Variants in SKAP2 observed in about 807,000 individuals in gnomAD.
The protein encoded by SKAP2 is src kinase associated phosphoprotein 2.
SKAP2 carries 28 observed loss-of-function variants against 54.9 expected under a neutral mutation model. That is an observed-to-expected ratio of 0.51 (90% confidence interval 0.38 to 0.70). The LOEUF is 0.70. Among genes scored for constraint, SKAP2 ranks in the 30% least tolerant of loss-of-function variants. The pLI, the probability that SKAP2 is intolerant of heterozygous loss-of-function variation, is 0.00. For missense variants in SKAP2, 356 were observed against 424.1 expected (o/e 0.84, Z 1.41); for synonymous variants, 137 against 134.3 (o/e 1.02, Z -0.14).
chr7:26,760,450 G>T (rs1480326314), intron 4 of SKAP2, among the ~76,000 whole-genome samples: 1 of 152,006 alleles, frequency 6.6e-6, no homozygotes, highest in African/African-American at 2.4e-5. Context: ...GCCCCCAGTG[G>T]ATGCCTGAAA....
Position 26,667,925 on chromosome 7 carries a change from T to C in SKAP2, c.*1741A>G, listed in dbSNP as rs972710501. On this transcript the variant is annotated 3_prime_UTR_variant, in exon 13 of 13. Transcript: ENST00000345317. ...GGTTGTCTAACTTTTGCCAAGATAA[T>C]TTCAGTCTATTTCAATGGCACTATA... 5.3e-5 allele frequency: 8 copies of C among 152,180 alleles called. No individual in the cohort carries two copies. The highest frequency in any genetic ancestry group is 1.9e-4 in the African/African-American group (8 of 41,434). The allele number at this position is 152,180 out of a possible 1,614,324, so 9.4% of individuals were successfully genotyped here. A position where few individuals can be genotyped will look rare whatever the true frequency, so the allele number is the denominator to read the frequency against.
intron 4 of SKAP2, among the ~76,000 whole-genome samples, chr7:26,824,105 T>TCAATGAATCAAC (rs1784441158): frequency 6.6e-6 from 1 of 151,996 alleles, no homozygotes; most frequent in African/African-American, 2.4e-5. Context: ...GAAGAATCAA[T>TCAATGAATCAAC]CAATGAATCA....
intron 1 of SKAP2, among the ~76,000 whole-genome samples, chr7:26,855,614 A>G (rs2127998882): frequency 6.6e-6 from 1 of 152,264 alleles, no homozygotes; most frequent in East Asian, 1.9e-4. Flanking sequence ...TCACCAAGAA[A>G]CAAGATTTCT....
At chr7:26,725,588 T>C (rs1221118489) in intron 8 of SKAP2, 23 bp from the exon 9 acceptor site, 5 of 1,548,020 alleles carry the variant, frequency 3.2e-6, no homozygotes, top group South Asian at 1.2e-5. Context: ...TTTCATGAAG[T>C]AAATTTTAAA....
At chr7:26,837,468 A>G (rs1584419214) in intron 4 of SKAP2, among the ~76,000 whole-genome samples, 2 of 152,276 alleles carry the variant, frequency 1.3e-5, no homozygotes, top group East Asian at 3.9e-4. Context: ...AAGCGGGAGC[A>G]GGCACAACAC....
chr7:26,772,554 CATG>C (rs1783210366), intron 4 of SKAP2, among the ~76,000 whole-genome samples: 1 of 152,188 alleles, frequency 6.6e-6, no homozygotes, highest in Admixed American at 6.5e-5. Flanking sequence ...CTGCAAAGGA[CATG>C]ATATCATTTT....
chr7:26,853,435 T>C (rs982165736), intron 3 of SKAP2, among the ~76,000 whole-genome samples: 2 of 152,146 alleles, frequency 1.3e-5, no homozygotes, highest in African/African-American at 4.8e-5. Flanking sequence ...GAATTGAATA[T>C]ATAAAGTAGT....
At chr7:26,665,142 G>C (rs1384428119), downstream of SKAP2, among the ~76,000 whole-genome samples, 1 of 152,204 alleles carries the variant, frequency 6.6e-6, no homozygotes. Context: ...TTCAAGATCA[G>C]ATGCAGGAAA....
chr7:26,658,661 T>C, the SKAP2 span, among the ~76,000 whole-genome samples: 2 of 152,156 alleles, frequency 1.3e-5, no homozygotes, highest in Non-Finnish European at 2.9e-5. Context: ...AGAGGTGCAC[T>C]GTCACCAACA....
chr7:26,743,421 A>G (rs1782497443), intron 4 of SKAP2, among the ~76,000 whole-genome samples: 2 of 152,192 alleles, frequency 1.3e-5, no homozygotes, highest in Admixed American at 1.3e-4. Flanking sequence ...CAGCAACTAT[A>G]CAAGTTAAGC....
In SKAP2 at chr7:26,701,550, T is replaced by C. The variant is rs148234057; in HGVS notation, c.797-11188A>G. Among the ~76,000 whole-genome samples, 578 of 152,048 alleles carry C rather than the reference T, an allele frequency of 3.8e-3. 2 individuals are homozygous for C. The highest frequency in any genetic ancestry group is 6.9e-3 in the Non-Finnish European group (467 of 67,984). On this transcript the variant is annotated intron_variant, in intron 9 of 12. Coordinates refer to ENST00000345317, the MANE Select transcript of SKAP2 (RefSeq NM_003930.5). ...GAGTTTGAAACCAGCCTGACCAATATGGTGAAACCCCATCTCTACTAAAAA... is the reference window on the plus strand; with the variant it reads ...GAGTTTGAAACCAGCCTGACCAATACGGTGAAACCCCATCTCTACTAAAAA...
At chr7:26,851,750 T>C (rs907849643) in intron 3 of SKAP2, among the ~76,000 whole-genome samples, 136 of 150,080 alleles carry the variant, frequency 9.1e-4, no homozygotes, top group Non-Finnish European at 1.5e-3. Context: ...TACCTCAAAC[T>C]GTAAAATCTG....
intron 10 of SKAP2, among the ~76,000 whole-genome samples, chr7:26,688,937 T>C (rs1418956930): frequency 2.0e-5 from 3 of 152,184 alleles, no homozygotes; most frequent in Non-Finnish European, 2.9e-5. Flanking sequence ...TAAACTACTA[T>C]TGAACATAGT....
chr7:26,844,631 T>C (rs1784888243), intron 3 of SKAP2, among the ~76,000 whole-genome samples: 2 of 152,136 alleles, frequency 1.3e-5, no homozygotes, highest in South Asian at 4.1e-4. Flanking sequence ...TATAAAATCA[T>C]TTTATACATT....
intron 4 of SKAP2, among the ~76,000 whole-genome samples, chr7:26,789,343 A>T (rs1246299165): frequency 1.3e-5 from 2 of 152,206 alleles, no homozygotes; most frequent in Non-Finnish European, 2.9e-5. Flanking sequence ...GTGCCACTTA[A>T]AGGAAGTTGA....
chr7:26,859,359 C>CT (rs1001187637), intron 1 of SKAP2, among the ~76,000 whole-genome samples: 1 of 151,422 alleles, frequency 6.6e-6, no homozygotes, highest in African/African-American at 2.4e-5. Flanking sequence ...ATCAATTAAA[C>CT]TGGGCACATG....
intron 9 of SKAP2, among the ~76,000 whole-genome samples, chr7:26,697,283 A>G (rs1459993713): frequency 1.3e-5 from 2 of 152,202 alleles, no homozygotes; most frequent in Non-Finnish European, 2.9e-5. Context: ...AGTCTTGTAT[A>G]CACTCGATCA....
chr7:26,830,870 T>G (rs1000609261), intron 4 of SKAP2, among the ~76,000 whole-genome samples: 2 of 152,164 alleles, frequency 1.3e-5, no homozygotes, highest in African/African-American at 4.8e-5. Flanking sequence ...TAATCCTCTC[T>G]GGGCTTATTT....
rs548776054 is a variant in SKAP2, at chr7:26,729,674, A to G, written c.470-2668T>C. 7.9e-5 allele frequency among the ~76,000 whole-genome samples: 12 copies of G among 152,280 alleles called. No homozygotes were observed. The South Asian group carries it at 2.5e-3, about 32-fold the overall frequency. On this transcript the variant is annotated intron_variant, in intron 6 of 12. Coordinates refer to ENST00000345317, the MANE Select transcript of SKAP2 (RefSeq NM_003930.5). ...GAAAATCAGATCAGATATACCTTGA[A>G]AAGCTCACTCAGCAGATAGAAAATA... is the stretch of plus-strand genomic sequence containing the variant.
Sources: allele counts gnomAD v4.1 joint callset (sites outside exome capture counted in the v4.1 genomes callset), GRCh38; gene constraint gnomAD v4.1.1; transcripts MANE v1.5; gene names NCBI Gene and HGNC (gene_info 2026-07-23, HGNC 2026-07-21).